The following MGAT4C variants were observed in gnomAD, a reference collection of about 807,000 sequenced individuals.
MGAT4C encodes the protein alpha-1,3-mannosyl-glycoprotein 4-beta-N-acetylglucosaminyltransferase C.
MGAT4C carries 19 observed loss-of-function variants against 40.1 expected under a neutral mutation model. That is an observed-to-expected ratio of 0.47 (90% CI 0.33 to 0.70). MGAT4C has a LOEUF of 0.70. Among genes scored for constraint, MGAT4C ranks in the 30% least tolerant of loss-of-function variants. The pLI is 0.02. For synonymous variants in MGAT4C, 181 were observed against 187.1 expected (o/e 0.97, Z 0.27); for missense variants, 491 against 563.2 (o/e 0.87, Z 1.30).
chr12:86,754,430 A>G (rs189398541), intron 1 of MGAT4C, among the ~76,000 whole-genome samples: 14 of 152,228 alleles, frequency 9.2e-5, no homozygotes, highest in African/African-American at 3.4e-4. Flanking sequence ...GTGTATACAT[A>G]TGGCAAAACT....
At chr12:86,264,791 C>T (rs1381316305) in intron 4 of MGAT4C, among the ~76,000 whole-genome samples, 3 of 152,196 alleles carry the variant, frequency 2.0e-5, no homozygotes, top group Admixed American at 2.0e-4. Context: ...TGGCCTCTCC[C>T]GGCGCCCTCT....
At chr12:85,996,070 A>C (rs1047981966) in intron 2 of MGAT4C, among the ~76,000 whole-genome samples, 8 of 152,202 alleles carry the variant, frequency 5.3e-5, no homozygotes, top group Non-Finnish European at 7.3e-5. Flanking sequence ...TAAGAACATA[A>C]AAATCACAAT....
At position 85,958,437 on chromosome 12, in the gene MGAT4C, C is replaced by G. The variant is rs551690627; in HGVS notation, c.*20852G>C. ...TGTATCTCAAATTCATTTAACTTTT[C>G]AATGAATCAATCTTCTTATTTTCTC... On this transcript the variant is annotated 3_prime_UTR_variant, in exon 5 of 5. Transcript: ENST00000611864. 1 of 152,050 alleles carries G rather than the reference C, an allele frequency of 6.6e-6. No homozygotes were observed. Among genetic ancestry groups the G allele is most frequent in the Admixed American group, 6.6e-5 (1 of 15,234 alleles). The allele number at this position is 152,050 out of a possible 1,614,324, so 9.4% of individuals were successfully genotyped here. A position where few individuals can be genotyped will look rare whatever the true frequency, so the allele number is the denominator to read the frequency against.
At chr12:86,804,367 G>T (rs1952303606) in intron 1 of MGAT4C, among the ~76,000 whole-genome samples, 1 of 148,880 alleles carries the variant, frequency 6.7e-6, no homozygotes, top group Non-Finnish European at 1.5e-5. Context: ...GTATACATAT[G>T]TAACTAAGCT....
intron 2 of MGAT4C, among the ~76,000 whole-genome samples, chr12:86,455,140 G>C (rs566493138): frequency 2.0e-4 from 30 of 152,050 alleles, no homozygotes; most frequent in Non-Finnish European, 4.3e-4. Context: ...GAAAAAATGT[G>C]GGTAGTGGTG....
chr12:86,103,768 G>A (rs1158535388), intron 1 of MGAT4C, among the ~76,000 whole-genome samples: 1 of 151,976 alleles, frequency 6.6e-6, no homozygotes, highest in African/African-American at 2.4e-5. Flanking sequence ...TTCTTCCCTC[G>A]CTCATGCAGC....
intron 2 of MGAT4C, among the ~76,000 whole-genome samples, chr12:86,452,910 T>C (rs73189384): frequency 0.11 from 16,009 of 152,148 alleles, 1,035 homozygotes; most frequent in Middle Eastern, 0.25. Context: ...AGGTAAATGA[T>C]GGGCTTGCTA....
At chr12:86,687,246 G>T (rs942227387) in intron 2 of MGAT4C, among the ~76,000 whole-genome samples, 10 of 151,618 alleles carry the variant, frequency 6.6e-5, no homozygotes, top group Non-Finnish European at 1.5e-4. Flanking sequence ...TATTTGTCTG[G>T]CTAGTGGTCC....
intron 2 of MGAT4C, among the ~76,000 whole-genome samples, chr12:86,506,306 G>A (rs1958471802): frequency 6.6e-6 from 1 of 152,088 alleles, no homozygotes. Flanking sequence ...AAAATAATAG[G>A]TAAATGAAAG....
At position 86,818,647 on chromosome 12, in the gene MGAT4C, G is replaced by GA. The variant is rs547561958; in HGVS notation, c.-262+20018dup. ...AATCCACATGTATACATTCAACAGG[G>GA]AAAAAAATAAACTCAAATAAAACAT... On this transcript the variant is annotated intron_variant, in intron 1 of 7. Coordinates refer to the MGAT4C transcript ENST00000548651. Among the ~76,000 whole-genome samples, 555 of 148,902 alleles carry GA rather than the reference G, an allele frequency of 3.7e-3. 6 individuals are homozygous for GA. The highest frequency in any genetic ancestry group is 0.013 in the African/African-American group (533 of 40,864).
intron 1 of MGAT4C, among the ~76,000 whole-genome samples, chr12:86,245,255 CA>C (rs1460175072): frequency 6.6e-6 from 1 of 152,110 alleles, no homozygotes; most frequent in Non-Finnish European, 1.5e-5. Context: ...GTTCTCTTGC[CA>C]AAAACAGAGA....
In MGAT4C at chr12:86,470,268, A is replaced by C. The variant is rs143952176; in HGVS notation, c.-228-35003T>G. Among the ~76,000 whole-genome samples the C allele has an allele frequency of 4.5e-4, 68 of 152,308 alleles. No individual in the cohort carries two copies. In the East Asian group the frequency reaches 0.011, roughly 25 times the overall value. On this transcript the variant is annotated intron_variant, in intron 2 of 7. Transcript: ENST00000548651. ...GAAGAAAAGAAGTCTTCCAGGAAAG[A>C]TACTTATGTACAGCTAAGTCATATG...
chr12:86,398,391 G>T (rs1176727824), intron 3 of MGAT4C, among the ~76,000 whole-genome samples: 1 of 152,070 alleles, frequency 6.6e-6, no homozygotes, highest in Non-Finnish European at 1.5e-5. Flanking sequence ...AATCACAAAA[G>T]TCTGTTGCAA....
intron 1 of MGAT4C, among the ~76,000 whole-genome samples, chr12:86,813,338 A>G (rs1952512878): frequency 1.3e-5 from 2 of 152,180 alleles, no homozygotes; most frequent in South Asian, 4.1e-4. Flanking sequence ...ATGATATTAC[A>G]TATTTTCTGT....
chr12:86,539,618 G>A (rs2136383457), intron 2 of MGAT4C, among the ~76,000 whole-genome samples: 1 of 152,266 alleles, frequency 6.6e-6, no homozygotes, highest in South Asian at 2.1e-4. Flanking sequence ...CACAATGGTT[G>A]AACTAGTTTA....
chr12:86,572,373 C>G (rs1319694264), intron 2 of MGAT4C, among the ~76,000 whole-genome samples: 3 of 152,078 alleles, frequency 2.0e-5, no homozygotes, highest in African/African-American at 7.2e-5. Flanking sequence ...GTCATACAAT[C>G]CTGTGGTTTC....
chr12:86,169,256 T>G (rs932113855), intron 1 of MGAT4C, among the ~76,000 whole-genome samples: 1 of 152,146 alleles, frequency 6.6e-6, no homozygotes, highest in African/African-American at 2.4e-5. Flanking sequence ...CAAGGGTTTC[T>G]TCATGTCTTG....
intron 4 of MGAT4C, among the ~76,000 whole-genome samples, chr12:86,319,808 A>T (rs1158603620): frequency 6.6e-6 from 1 of 152,168 alleles, no homozygotes; most frequent in Non-Finnish European, 1.5e-5. Context: ...AAGTATCTGA[A>T]AGTTGAAAGG....
At chr12:86,408,445 T>C (rs549041280) in intron 3 of MGAT4C, among the ~76,000 whole-genome samples, 89 of 60,188 alleles carry the variant, frequency 1.5e-3, no homozygotes, top group African/African-American at 5.0e-3. Context: ...TATTACATAG[T>C]AAACTCTCTC....
Sources: gnomAD v4.1 joint callset for allele counts (sites outside exome capture counted in the v4.1 genomes callset) on GRCh38, gnomAD v4.1.1 for gene constraint, MANE v1.5 for transcripts, NCBI Gene and HGNC (gene_info 2026-07-23, HGNC 2026-07-21) for gene names.